ITPR2: variants seen among roughly 807,000 people sequenced by gnomAD.
ITPR2 encodes inositol 1,4,5-trisphosphate receptor type 2, also known as inositol 1,4,5-trisphosphate-gated calcium channel ITPR2.
In ITPR2, 207 loss-of-function variants were observed where a neutral mutation model predicts 317.1. That is an observed-to-expected ratio of 0.65 (90% CI 0.58 to 0.73). The LOEUF (loss-of-function observed/expected upper bound fraction) is 0.73, where lower values mean the gene tolerates loss of function less well. Among genes scored for constraint, ITPR2 ranks in the 30% least tolerant of loss-of-function variants. The pLI is 0.00. For missense variants in ITPR2, 2,613 were observed against 3,284.0 expected, an observed-to-expected ratio of 0.80 and a Z score of 4.99; for synonymous variants, 1,156 against 1,149.1, an observed-to-expected ratio of 1.01 and a Z score of -0.12.
At position 26,605,126 on chromosome 12, in the gene ITPR2, A is replaced by AAAATATAT. The variant is rs1555165395; in HGVS notation, c.3463-2421_3463-2420insATATATTT. 2.5e-3 allele frequency among the ~76,000 whole-genome samples: 347 copies of AAAATATAT among 136,320 alleles called. 3 individuals carry two copies. Among genetic ancestry groups the AAAATATAT allele is most frequent in the African/African-American group, 9.0e-3 (339 of 37,854 alleles). The allele number at this position is 136,320 out of a possible 152,430, so 89.4% of individuals were successfully genotyped here. A position where few individuals can be genotyped will look rare whatever the true frequency, so the allele number is the denominator to read the frequency against. On this transcript the variant is annotated intron_variant, in intron 26 of 56. Transcript: ENST00000381340. ...ATAAAAATAAAAAATAAAAAATAAA[A>AAAATATAT]ATATATATATATATATGAGAAAGTG...
At chr12:26,801,462 G>A (rs555337172) in intron 1 of ITPR2, among the ~76,000 whole-genome samples, 41 of 152,160 alleles carry the variant, frequency 2.7e-4, no homozygotes, top group Non-Finnish European at 5.3e-4. Flanking sequence ...TGATATGATT[G>A]GCATTATGCC....
intron 9 of ITPR2, among the ~76,000 whole-genome samples, chr12:26,696,579 A>G (rs1948355485): frequency 6.6e-6 from 1 of 152,200 alleles, no homozygotes; most frequent in African/African-American, 2.4e-5. Context: ...TGAAAGCAAA[A>G]AAAATCCCAA....
intron 37 of ITPR2, among the ~76,000 whole-genome samples, chr12:26,548,651 A>G (rs77019600): frequency 0.096 from 14,649 of 152,180 alleles, 959 homozygotes; most frequent in African/African-American, 0.18. Context: ...TGTGAGGGCT[A>G]TGTGCTGGGG....
chr12:26,782,027 TATATATGTATAGAG>T (rs1358473667), intron 2 of ITPR2, among the ~76,000 whole-genome samples: 17 of 26,278 alleles, frequency 6.5e-4, no homozygotes, highest in Admixed American at 1.5e-3. Flanking sequence ...TATATATATA[TATATATGTATAGAG>T]AGAGAGAGAG....
At position 26,575,035 on chromosome 12, in the gene ITPR2, C is replaced by T. The variant is rs143030680; in HGVS notation, c.4630+3678G>A. 7.4e-3 allele frequency among the ~76,000 whole-genome samples: 1,125 copies of T among 151,012 alleles called. 10 individuals are homozygous for T. The highest frequency in any genetic ancestry group is 0.024 in the South Asian group (112 of 4,712). On this transcript the variant is annotated intron_variant, in intron 34 of 56. Transcript: ENST00000381340. The stretch of plus-strand genomic sequence containing the variant: ...TATCACAGACACTAAGAAAGGCATA[C>T]GTGGACGAATGGGGTGAGTTCAGAT...
chr12:26,570,237 T>C (rs1945124271), intron 34 of ITPR2, among the ~76,000 whole-genome samples: 1 of 152,210 alleles, frequency 6.6e-6, no homozygotes, highest in Non-Finnish European at 1.5e-5. Context: ...GTAGAAAACA[T>C]GGTTTGACAT....
chr12:26,479,991 T>C (rs1343867311), intron 43 of ITPR2, among the ~76,000 whole-genome samples: 1 of 152,226 alleles, frequency 6.6e-6, no homozygotes, highest in Non-Finnish European at 1.5e-5. Flanking sequence ...TACTTTCCAT[T>C]GTACTACCCA....
At chr12:26,457,414 A>G (rs1195029223) in intron 45 of ITPR2, among the ~76,000 whole-genome samples, 2 of 152,190 alleles carry the variant, frequency 1.3e-5, no homozygotes, top group Non-Finnish European at 1.5e-5. Context: ...AGACTTGTGA[A>G]GCCAACAGGA....
chr12:26,670,193 C>T, intron 13 of ITPR2, among the ~76,000 whole-genome samples: 1 of 152,234 alleles, frequency 6.6e-6, no homozygotes, highest in Non-Finnish European at 1.5e-5. Flanking sequence ...TTGAAGAGAG[C>T]ATTGGTTCTC....
chr12:26,383,470 G>T (rs12833837), intron 55 of ITPR2, among the ~76,000 whole-genome samples: 15,238 of 132,988 alleles, frequency 0.11, 1,022 homozygotes, highest in South Asian at 0.17. Context: ...ATGTTTTTTT[G>T]TTTGTTTGTT....
chr12:26,480,898 T>C lies in ITPR2; in HGVS notation c.6123+233A>G, dbSNP rs182546231. ...AATAAAAATAAAAACAAAAGGGAAGTCATGAAACACAGTGGCTGCTTGGAA... is the reference window on the plus strand; with the variant it reads ...AATAAAAATAAAAACAAAAGGGAAGCCATGAAACACAGTGGCTGCTTGGAA... On this transcript the variant is annotated intron_variant, in intron 43 of 56. Transcript: ENST00000381340. Among the ~76,000 whole-genome samples, 599 of 152,072 alleles carry C rather than the reference T, an allele frequency of 3.9e-3. 5 individuals carry two copies. Among genetic ancestry groups the C allele is most frequent in the African/African-American group, 0.014 (569 of 41,484 alleles).
chr12:26,724,695 T>G lies in ITPR2; in HGVS notation c.327A>C (p.Lys109Asn). Residue 109 changes from lysine to asparagine, a missense_variant, in exon 4 of 57, where the codon AAA becomes AAC. Transcript: ENST00000381340. ...EQKQNESENK[K>N]LLGEIVKYSN... ...TGTATTTTACAATTTCTCCCAACAG[T>G]TTCTTATTCTCCGATTCATTTTGTT... is the stretch of plus-strand genomic sequence containing the variant. 1 of 1,606,210 alleles carries G rather than the reference T, an allele frequency of 6.2e-7. No homozygotes were observed. The highest frequency in any genetic ancestry group is 8.5e-7 in the Non-Finnish European group (1 of 1,174,282).
At chr12:26,630,749 C>T (rs1555169122) in intron 22 of ITPR2, 1 of 152,060 alleles carries the variant, frequency 6.6e-6, no homozygotes, top group Non-Finnish European at 1.5e-5. Flanking sequence ...TTTTCTAATG[C>T]TTTTTTTCTG....
At chr12:26,496,753 C>G (rs1942939775) in intron 37 of ITPR2, among the ~76,000 whole-genome samples, 1 of 151,992 alleles carries the variant, frequency 6.6e-6, no homozygotes, top group African/African-American at 2.4e-5. Flanking sequence ...ACTATCCTGG[C>G]TAACACAGTG....
chr12:26,384,434 G>GA (rs1939606400), intron 55 of ITPR2, among the ~76,000 whole-genome samples: 1 of 152,128 alleles, frequency 6.6e-6, no homozygotes, highest in African/African-American at 2.4e-5. Flanking sequence ...TGTTCTCTTG[G>GA]ATGTGCACTG....
chr12:26,523,057 GAGTAAAATAGA>G (rs1943707635), intron 37 of ITPR2, among the ~76,000 whole-genome samples: 1 of 152,196 alleles, frequency 6.6e-6, no homozygotes, highest in African/African-American at 2.4e-5. Flanking sequence ...ATCCTATTTG[GAGTAAAATAGA>G]AGTAGAGGGA....
intron 37 of ITPR2, among the ~76,000 whole-genome samples, chr12:26,545,940 G>T (rs1459453456): frequency 6.6e-6 from 1 of 152,142 alleles, no homozygotes; most frequent in African/African-American, 2.4e-5. Context: ...CCTGAGAGGG[G>T]AATGAGATGT....
At chr12:26,347,386 G>A (rs1382418867) in intron 55 of ITPR2, among the ~76,000 whole-genome samples, 1 of 152,148 alleles carries the variant, frequency 6.6e-6, no homozygotes, top group Non-Finnish European at 1.5e-5. Flanking sequence ...TCATAGTAAT[G>A]TATCCTACTT....
intron 34 of ITPR2, among the ~76,000 whole-genome samples, chr12:26,574,527 T>C (rs531713830): frequency 2.6e-5 from 4 of 152,316 alleles, no homozygotes; most frequent in African/African-American, 9.6e-5. Flanking sequence ...GCTTTATAGT[T>C]GCCCATCAAA....
Sources: gnomAD v4.1 joint callset for allele counts (sites outside exome capture counted in the v4.1 genomes callset) on GRCh38, gnomAD v4.1.1 for gene constraint, MANE v1.5 for transcripts, NCBI Gene and HGNC (gene_info 2026-07-23, HGNC 2026-07-21) for gene names.